The following EML4 variants were observed in gnomAD, a reference collection of about 807,000 sequenced individuals.
The protein encoded by EML4 is echinoderm microtubule-associated protein-like 4.
EML4 carries 72 observed loss-of-function variants against 129.0 expected under a neutral mutation model. The ratio of observed to expected loss-of-function variants is 0.56; its 90% confidence interval spans 0.46 to 0.68. The LOEUF is 0.68. Among genes scored for constraint, EML4 ranks in the 30% least tolerant of loss-of-function variants. The pLI, the probability that EML4 is intolerant of heterozygous loss-of-function variation, is 0.00. For missense variants in EML4, 1,363 were observed against 1,190.6 expected, an observed-to-expected ratio of 1.14 and a Z score of -2.13; for synonymous variants, 532 against 405.0, an observed-to-expected ratio of 1.31 and a Z score of -3.77.
chr2:42,269,507 A>G (rs959698104), intron 6 of EML4, among the ~76,000 whole-genome samples: 5 of 152,218 alleles, frequency 3.3e-5, no homozygotes, highest in Admixed American at 2.6e-4. Flanking sequence ...CATGCTCCAT[A>G]GACAAAACAG....
intron 1 of EML4, among the ~76,000 whole-genome samples, chr2:42,183,340 GT>G (rs1349158744): frequency 2.0e-5 from 3 of 152,196 alleles, no homozygotes; most frequent in Non-Finnish European, 4.4e-5. Context: ...ATTATTCACT[GT>G]TAGGAGGTCA....
intron 7 of EML4, among the ~76,000 whole-genome samples, chr2:42,281,861 G>A (rs1667030241): frequency 1.3e-5 from 2 of 152,116 alleles, no homozygotes; most frequent in African/African-American, 4.8e-5. Context: ...GAACTCTGTT[G>A]TCTGCCTCCA....
At chr2:42,247,658 G>GATTT (rs1553375542) in intron 2 of EML4, among the ~76,000 whole-genome samples, 93 of 151,814 alleles carry the variant, frequency 6.1e-4, no homozygotes, top group Non-Finnish European at 5.1e-4. Context: ...ATGCTTGCTT[G>GATTT]CTTGATTTAT....
intron 12 of EML4, 29 bp from the exon 13 acceptor site, chr2:42,295,352 A>G (rs2103679203): frequency 6.2e-7 from 1 of 1,605,848 alleles, no homozygotes; most frequent in Non-Finnish European, 8.5e-7. Context: ...GCAAAAAGAA[A>G]ACTGAAAATT....
intron 1 of EML4, among the ~76,000 whole-genome samples, chr2:42,223,548 T>G (rs531390740): frequency 1.3e-5 from 2 of 152,272 alleles, no homozygotes; most frequent in East Asian, 3.9e-4. Flanking sequence ...ATTACAAATT[T>G]TACTGTAGCA....
intron 6 of EML4, among the ~76,000 whole-genome samples, chr2:42,267,423 T>A (rs1206370498): frequency 6.6e-6 from 1 of 152,250 alleles, no homozygotes; most frequent in Non-Finnish European, 1.5e-5. Flanking sequence ...TGTCATTTTT[T>A]GACATTCTTT....
chr2:42,275,933 G>A (rs539136733), intron 6 of EML4, among the ~76,000 whole-genome samples: 4 of 152,078 alleles, frequency 2.6e-5, no homozygotes, highest in South Asian at 2.1e-4. Context: ...CAGTCCCATC[G>A]CCCATCCCTT....
intron 10 of EML4, 71 bp downstream of exon 10, chr2:42,286,450 T>G: frequency 1.1e-6 from 1 of 921,336 alleles, no homozygotes; most frequent in East Asian, 2.4e-5. Flanking sequence ...CTCAGTTTTG[T>G]GTTTATGTGG....
At chr2:42,311,709 T>G (rs976954704) in intron 17 of EML4, among the ~76,000 whole-genome samples, 5 of 152,114 alleles carry the variant, frequency 3.3e-5, no homozygotes, top group Non-Finnish European at 7.4e-5. Flanking sequence ...AAAAGGCACT[T>G]GGCATCAGCT....
chr2:42,169,378 A>G lies in EML4; in HGVS notation c.-234A>G. On this transcript the variant is annotated 5_prime_UTR_variant, in exon 1 of 23. Transcript: ENST00000318522. The stretch of plus-strand genomic sequence containing the variant: ...GCGGCGCTCGCGGCTGCTGCCTGGG[A>G]GGGAGGCCGGGCAGGCGGCTGAGCG... 1 of 279,758 alleles carries G rather than the reference A, an allele frequency of 3.6e-6. No homozygotes were observed. Among genetic ancestry groups the G allele is most frequent in the Non-Finnish European group, 6.7e-6 (1 of 149,110 alleles). The allele number at this position is 279,758 out of a possible 1,614,324, so 17.3% of individuals were successfully genotyped here. A position where few individuals can be genotyped will look rare whatever the true frequency, so the allele number is the denominator to read the frequency against.
At chr2:42,235,083 G>T (rs955462494) in intron 1 of EML4, among the ~76,000 whole-genome samples, 13 of 152,098 alleles carry the variant, frequency 8.5e-5, no homozygotes, top group African/African-American at 2.9e-4. Context: ...ATCACCTGAG[G>T]TCAGCAGTTT....
In EML4 at chr2:42,227,989, GT is replaced by G. The variant is rs201891821; in HGVS notation, c.26-17515del. On this transcript the variant is annotated intron_variant, in intron 1 of 22. Transcript: ENST00000318522. Reference sequence around the variant, plus strand: ...AATCCCAACACTTTGGGAGGCCAAGGTGGGCGGATTACTTGAGGTCAGGAGT... The same window carrying G: ...AATCCCAACACTTTGGGAGGCCAAGGGGGCGGATTACTTGAGGTCAGGAGT... Among the ~76,000 whole-genome samples the G allele has an allele frequency of 1.9e-3, 286 of 152,314 alleles. 5 individuals carry two copies. The East Asian group carries it at 0.051, about 27-fold the overall frequency.
intron 1 of EML4, among the ~76,000 whole-genome samples, chr2:42,194,477 A>G (rs990888807): frequency 6.7e-5 from 10 of 149,634 alleles, no homozygotes; most frequent in Non-Finnish European, 1.5e-4. Context: ...TTTTTTAGTG[A>G]TATCTTTTGA....
intron 2 of EML4, among the ~76,000 whole-genome samples, 153 bp from the exon 3 acceptor site, chr2:42,256,348 A>G (rs1676148382): frequency 6.6e-6 from 1 of 152,176 alleles, no homozygotes; most frequent in Non-Finnish European, 1.5e-5. Context: ...TGTGCTGCAT[A>G]CCATGGGGGC....
chr2:42,205,693 T>G (rs1672498256), intron 1 of EML4, among the ~76,000 whole-genome samples: 2 of 152,218 alleles, frequency 1.3e-5, no homozygotes, highest in African/African-American at 2.4e-5. Flanking sequence ...CAGAAATGGA[T>G]AAATTGTTTG....
chr2:42,228,567 A>G (rs938570108), intron 1 of EML4, among the ~76,000 whole-genome samples: 1 of 152,210 alleles, frequency 6.6e-6, no homozygotes, highest in Admixed American at 6.5e-5. Context: ...GTAATGTTTT[A>G]TAGGCCTACA....
chr2:42,331,025 A>C lies in EML4; in HGVS notation c.*818A>C, dbSNP rs1476238505. On this transcript the variant is annotated 3_prime_UTR_variant, in exon 23 of 23. Coordinates refer to ENST00000318522, the MANE Select transcript of EML4 (RefSeq NM_019063.5). ...TCTCAAATGTTTGAGATTCAAGTGA[A>C]TGGAAGGAAAACCACATGCCTTTAA... 4.7e-6 allele frequency: 1 copy of C among 214,188 alleles called. No individual in the cohort carries two copies. Among genetic ancestry groups the C allele is most frequent in the Non-Finnish European group, 9.5e-6 (1 of 105,720 alleles). 13.3% of individuals were successfully genotyped at this position (214,188 alleles called of 1,614,324 possible).
Position 42,331,699 on chromosome 2 carries a change from A to G in EML4, c.*1492A>G, listed in dbSNP as rs1393984527. 4.5e-6 allele frequency: 1 copy of G among 220,516 alleles called. No homozygotes were observed. Among genetic ancestry groups the G allele is most frequent in the East Asian group, 6.7e-5 (1 of 15,030 alleles). 13.7% of individuals were successfully genotyped at this position (220,516 alleles called of 1,614,324 possible). ...CCCTTCTAATATCTTCTCAGGAGTA[A>G]TACAAATCAGGTATTTCATCATCAT... On this transcript the variant is annotated 3_prime_UTR_variant, in exon 23 of 23. Coordinates refer to ENST00000318522, the MANE Select transcript of EML4 (RefSeq NM_019063.5).
intron 1 of EML4, among the ~76,000 whole-genome samples, chr2:42,197,133 G>C (rs549689099): frequency 6.6e-6 from 1 of 152,028 alleles, no homozygotes; most frequent in Admixed American, 6.6e-5. Flanking sequence ...GCAGTGGTGC[G>C]ATCACTGCAG....
Sources: gnomAD v4.1 joint callset for allele counts (sites outside exome capture counted in the v4.1 genomes callset) on GRCh38, gnomAD v4.1.1 for gene constraint, MANE v1.5 for transcripts, NCBI Gene and HGNC (gene_info 2026-07-23, HGNC 2026-07-21) for gene names.